NRG1: variants seen among roughly 807,000 people sequenced by gnomAD.
The protein encoded by NRG1 is pro-neuregulin-1, membrane-bound isoform.
NRG1 carries 18 observed loss-of-function variants against 63.8 expected under a neutral mutation model. That is an observed-to-expected ratio of 0.28 (90% CI 0.19 to 0.42). NRG1 has a LOEUF of 0.42. Ranked by LOEUF, NRG1 falls within the 10% of genes least tolerant of loss-of-function variation. The probability of loss-of-function intolerance (pLI) is 1.00; values close to 1 mark genes in which losing one functional copy is unlikely to be tolerated. For missense variants in NRG1, 762 were observed against 814.7 expected (o/e 0.94, Z 0.79); for synonymous variants, 302 against 301.3 (o/e 1.00, Z -0.02).
intron 1 of NRG1, among the ~76,000 whole-genome samples, chr8:32,527,517 G>A (rs997969098): frequency 6.6e-6 from 1 of 151,932 alleles, no homozygotes; most frequent in African/African-American, 2.4e-5. Flanking sequence ...ATAAAGTTGG[G>A]AGGGTGGGAA....
At chr8:32,254,039 C>G (rs1849411129) in intron 1 of NRG1, among the ~76,000 whole-genome samples, 1 of 151,938 alleles carries the variant, frequency 6.6e-6, no homozygotes, top group Admixed American at 6.6e-5. Context: ...GGTGATATCC[C>G]CTTCATCATT....
At chr8:32,485,411 C>T (rs560573845) in intron 1 of NRG1, among the ~76,000 whole-genome samples, 1 of 152,212 alleles carries the variant, frequency 6.6e-6, no homozygotes, top group East Asian at 1.9e-4. Flanking sequence ...GGTCTGCTCT[C>T]CCTCCTTTCT....
At chr8:32,460,249 T>C (rs1822151439) in intron 1 of NRG1, among the ~76,000 whole-genome samples, 1 of 152,260 alleles carries the variant, frequency 6.6e-6, no homozygotes, top group Non-Finnish European at 1.5e-5. Flanking sequence ...TTGTGTGTGC[T>C]AATTAATGAC....
At chr8:32,103,677 C>A (rs906013199) in intron 1 of NRG1, among the ~76,000 whole-genome samples, 4 of 152,098 alleles carry the variant, frequency 2.6e-5, no homozygotes, top group Non-Finnish European at 2.9e-5. Flanking sequence ...TCTTGGGGAG[C>A]CATATGGAAA....
chr8:32,209,695 T>C (rs948025129), intron 1 of NRG1, among the ~76,000 whole-genome samples: 1 of 152,048 alleles, frequency 6.6e-6, no homozygotes, highest in African/African-American at 2.4e-5. Context: ...TGAATTTCTT[T>C]CTTTCTTTCT....
chr8:32,767,794 A>G (rs901656427), exon 12 of NRG1: 3 of 152,264 alleles, frequency 2.0e-5, no homozygotes, highest in Middle Eastern at 3.4e-3. Flanking sequence ...AAGAATGTAT[A>G]TGTAACTGAA....
intron 6 of NRG1, among the ~76,000 whole-genome samples, chr8:32,730,648 G>T (rs1046088354): frequency 6.6e-6 from 1 of 152,084 alleles, no homozygotes; most frequent in Non-Finnish European, 1.5e-5. Context: ...CTTTAGTTCT[G>T]CTGACTTGCT....
chr8:31,913,645 T>A (rs1202746585), intron 1 of NRG1, among the ~76,000 whole-genome samples: 3 of 152,100 alleles, frequency 2.0e-5, no homozygotes, highest in Non-Finnish European at 2.9e-5. Context: ...TAATAAAAAA[T>A]GCTACACAGA....
rs151220147 is a variant in NRG1 at position 32,066,351 on chromosome 8, A to G, written c.37+426920A>G. On this transcript the variant is annotated intron_variant, in intron 1 of 10. Coordinates refer to the NRG1 transcript ENST00000519301. ...CATTTAAGTCTTTAATCCATGTTGA[A>G]TTAATTTTTGTATAAGATGTAAGGA... 5.3e-3 allele frequency among the ~76,000 whole-genome samples: 810 copies of G among 152,244 alleles called. 6 individuals carry two copies. Among genetic ancestry groups the G allele is most frequent in the Middle Eastern group, 0.014 (4 of 294 alleles).
At chr8:32,296,642 A>T (rs1854918566) in intron 1 of NRG1, among the ~76,000 whole-genome samples, 1 of 151,398 alleles carries the variant, frequency 6.6e-6, no homozygotes, top group East Asian at 2.0e-4. Flanking sequence ...AAGCTTCCTT[A>T]AAAACAAAAA....
At chr8:31,843,315 C>T (rs1026322505) in intron 1 of NRG1, among the ~76,000 whole-genome samples, 3 of 152,080 alleles carry the variant, frequency 2.0e-5, no homozygotes, top group South Asian at 2.1e-4. Context: ...GTGAAATTCA[C>T]CTTTGCAGGG....
At chr8:31,896,707 G>A (rs1831607412) in intron 1 of NRG1, among the ~76,000 whole-genome samples, 3 of 152,258 alleles carry the variant, frequency 2.0e-5, no homozygotes, top group South Asian at 4.1e-4. Flanking sequence ...CTGCTGGTCT[G>A]GCATCACACT....
intron 1 of NRG1, among the ~76,000 whole-genome samples, chr8:32,324,341 TGC>T (rs1801759060): frequency 6.6e-6 from 1 of 152,212 alleles, no homozygotes. Context: ...ATTGCTCATT[TGC>T]TTCTTCTGTG....
intron 1 of NRG1, among the ~76,000 whole-genome samples, chr8:31,720,294 G>A (rs993773306): frequency 9.9e-5 from 15 of 152,114 alleles, no homozygotes; most frequent in Admixed American, 8.5e-4. Flanking sequence ...GTAGATATGT[G>A]TATGATTAAT....
chr8:32,566,342 C>CAAAAAA (rs35064563), intron 1 of NRG1, among the ~76,000 whole-genome samples: 1 of 102,686 alleles, frequency 9.7e-6, no homozygotes, highest in African/African-American at 3.3e-5. Context: ...CAGAACATCT[C>CAAAAAA]AAAAAAAAAA....
intron 1 of NRG1, among the ~76,000 whole-genome samples, chr8:31,706,246 C>T (rs1811141692): frequency 6.6e-6 from 1 of 152,054 alleles, no homozygotes; most frequent in East Asian, 1.9e-4. Flanking sequence ...TCTGCATATA[C>T]AAACCTAAAA....
chr8:31,658,637 A>AT (rs1427881141), intron 1 of NRG1, among the ~76,000 whole-genome samples: 1 of 152,000 alleles, frequency 6.6e-6, no homozygotes, highest in African/African-American at 2.4e-5. Flanking sequence ...TAATTTTTGT[A>AT]TTTTTTGTAG....
chr8:31,913,916 C>T (rs1833154198), intron 1 of NRG1, among the ~76,000 whole-genome samples: 1 of 152,138 alleles, frequency 6.6e-6, no homozygotes, highest in Admixed American at 6.6e-5. Flanking sequence ...AGTCCCAAGG[C>T]AAAACTGAAA....
At chr8:32,241,457 C>A (rs954198341) in intron 1 of NRG1, among the ~76,000 whole-genome samples, 2 of 152,132 alleles carry the variant, frequency 1.3e-5, no homozygotes, top group African/African-American at 4.8e-5. Flanking sequence ...ATTTACAAAG[C>A]CTCGGATTGC....
Sources: gnomAD v4.1 joint callset for allele counts (sites outside exome capture counted in the v4.1 genomes callset) on GRCh38, gnomAD v4.1.1 for gene constraint, MANE v1.5 for transcripts, NCBI Gene and HGNC (gene_info 2026-07-23, HGNC 2026-07-21) for gene names.